Variants in IQGAP1 observed in about 807,000 individuals in gnomAD.
The protein encoded by IQGAP1 is IQ motif containing GTPase activating protein 1.
IQGAP1 carries 66 observed loss-of-function variants against 215.6 expected under a neutral mutation model. The ratio of observed to expected loss-of-function variants is 0.31; its 90% CI spans 0.25 to 0.38. The LOEUF is 0.38. Ranked by LOEUF, IQGAP1 falls within the 10% of genes least tolerant of loss-of-function variation. The pLI, the probability that IQGAP1 is intolerant of heterozygous loss-of-function variation, is 1.00. For missense variants in IQGAP1, 1,712 were observed against 1,997.1 expected, an observed-to-expected ratio of 0.86 and a Z score of 2.72; for synonymous variants, 772 against 728.7, an observed-to-expected ratio of 1.06 and a Z score of -0.96.
intron 14 of IQGAP1, 33 bp from the exon 15 acceptor site, chr15:90,456,119 G>GA (rs753654040): frequency 0.024 from 30,566 of 1,254,434 alleles, no homozygotes; most frequent in South Asian, 0.028. Context: ...TCCTTAATTA[G>GA]AAAAAAAAAA....
chr15:90,487,694 G>A (rs182333646), intron 33 of IQGAP1, 112 bp downstream of exon 33: 7 of 714,536 alleles, frequency 9.8e-6, no homozygotes, highest in East Asian at 8.1e-5. Context: ...CTAGGGGTGA[G>A]CATGAATGTA....
Position 90,477,041 on chromosome 15 carries a change from T to C in IQGAP1, c.2941-26T>C, listed in dbSNP as rs193247203. The C allele has an allele frequency of 2.3e-5, 37 of 1,609,244 alleles. No homozygotes were observed. In the East Asian group the frequency reaches 8.2e-4, roughly 36 times the overall value. On this transcript the variant is annotated intron_variant, in intron 24 of 37. Transcript: ENST00000268182. Reference sequence around the variant, plus strand: ...TGCCAGCCTTTATATTACCTACAAATGACTTATCCCTTGGTTTTATTTCAG... The same window carrying C: ...TGCCAGCCTTTATATTACCTACAAACGACTTATCCCTTGGTTTTATTTCAG...
At chr15:90,464,713 G>T (rs1019018840) in intron 15 of IQGAP1, among the ~76,000 whole-genome samples, 1 of 151,960 alleles carries the variant, frequency 6.6e-6, no homozygotes, top group Non-Finnish European at 1.5e-5. Context: ...TTAGCTGGGC[G>T]TGGTGGCGGG....
intron 33 of IQGAP1, 91 bp downstream of exon 33, chr15:90,487,673 C>T (rs1966146059): frequency 2.4e-6 from 2 of 842,274 alleles, no homozygotes; most frequent in Non-Finnish European, 3.9e-6. Context: ...ACACAAATAA[C>T]AGTTGGTAGC....
At chr15:90,388,712 C>T (rs893174712) in intron 1 of IQGAP1, among the ~76,000 whole-genome samples, 1 of 152,166 alleles carries the variant, frequency 6.6e-6, no homozygotes, top group Non-Finnish European at 1.5e-5. Flanking sequence ...AGTGAGGTGG[C>T]AGGATGACCG....
intron 36 of IQGAP1, among the ~76,000 whole-genome samples, chr15:90,495,987 A>G (rs955954637): frequency 6.6e-6 from 1 of 150,848 alleles, no homozygotes; most frequent in Admixed American, 6.6e-5. Flanking sequence ...CTACTGTTCA[A>G]GTGCCTACCT....
chr15:90,403,700 G>A (rs1964836470), intron 2 of IQGAP1, among the ~76,000 whole-genome samples: 2 of 152,220 alleles, frequency 1.3e-5, no homozygotes, highest in South Asian at 4.1e-4. Context: ...TTGAGATGGA[G>A]TCTTGCTCTG....
At chr15:90,432,910 C>G (rs988298712) in intron 4 of IQGAP1, among the ~76,000 whole-genome samples, 10 of 152,300 alleles carry the variant, frequency 6.6e-5, no homozygotes, top group African/African-American at 2.4e-4. Context: ...AAGTTCAAGG[C>G]TATTCCCAGT....
chr15:90,390,301 C>G (rs1188880328), intron 1 of IQGAP1, among the ~76,000 whole-genome samples: 2 of 152,214 alleles, frequency 1.3e-5, no homozygotes, highest in African/African-American at 2.4e-5. Flanking sequence ...TTCACCCAGC[C>G]TCAGTTTCTT....
intron 36 of IQGAP1, 174 bp from the exon 37 acceptor site, chr15:90,497,058 A>G (rs1025507362): frequency 1.9e-6 from 1 of 524,642 alleles, no homozygotes; most frequent in Non-Finnish European, 3.4e-6. Flanking sequence ...CCCAGAGCAG[A>G]TGGTACTTGG....
Position 90,477,748 on chromosome 15 carries a change from G to A in IQGAP1, c.3188G>A (p.Arg1063His), listed in dbSNP as rs559729068. Residue 1063 changes from arginine (R) to histidine (H), a missense_variant, in exon 26 of 38, where the codon CGT becomes CAT. By Grantham distance (29) the Arg-to-His change is conservative (BLOSUM62 0). Coordinates refer to ENST00000268182, the MANE Select transcript of IQGAP1 (RefSeq NM_003870.4). ...GTTGTAAGTTTCAACCGTGGTGCCC[G>A]TGGCCAGAATGCCCTGAGACAGATC... Reference protein sequence around the residue: ...KMVVSFNRGARGQNALRQILA... With the variant: ...KMVVSFNRGAHGQNALRQILA... 5.6e-6 allele frequency: 9 copies of A among 1,613,736 alleles called. No individual in the cohort carries two copies. The highest frequency in any genetic ancestry group is 1.1e-5 in the South Asian group (1 of 91,068).
At chr15:90,425,208 G>A (rs1320547007) in intron 2 of IQGAP1, among the ~76,000 whole-genome samples, 1 of 152,094 alleles carries the variant, frequency 6.6e-6, no homozygotes, top group African/African-American at 2.4e-5. Context: ...TACTCAGGAA[G>A]CTGAGGCAGG....
At chr15:90,475,189 G>T (rs959071510) in intron 23 of IQGAP1, among the ~76,000 whole-genome samples, 2 of 152,128 alleles carry the variant, frequency 1.3e-5, no homozygotes, top group South Asian at 4.2e-4. Context: ...ACTGGAGATG[G>T]CGTTTCGCCA....
chr15:90,410,605 A>T (rs1421256446), intron 2 of IQGAP1, among the ~76,000 whole-genome samples: 1 of 147,588 alleles, frequency 6.8e-6, no homozygotes, highest in Non-Finnish European at 1.5e-5. Context: ...CAAACACCGC[A>T]TGTTCTCACT....
rs777593515 is a variant in IQGAP1, at chr15:90,487,060, A to G, written c.4131A>G (p.Ala1377=). Residue 1377 remains alanine, a synonymous_variant, in exon 32 of 38, where the codon GCA becomes GCG. Coordinates refer to ENST00000268182, the MANE Select transcript of IQGAP1 (RefSeq NM_003870.4). ...NKFDVPGDEN[A]EMDARTILLN... is the part of the protein sequence containing the mutation. Reference sequence around the variant, plus strand: ...TCGACGTGCCTGGAGATGAGAATGCAGAAATGGATGCTCGAACCATCTTAC... The same window carrying G: ...TCGACGTGCCTGGAGATGAGAATGCGGAAATGGATGCTCGAACCATCTTAC... 6.2e-7 allele frequency: 1 copy of G among 1,614,190 alleles called. No individual in the cohort carries two copies. The highest frequency in any genetic ancestry group is 1.1e-5 in the South Asian group (1 of 91,084).
At chr15:90,498,352 C>A (rs1420235961) in intron 37 of IQGAP1, among the ~76,000 whole-genome samples, 2 of 46,210 alleles carry the variant, frequency 4.3e-5, no homozygotes, top group African/African-American at 1.2e-4. Context: ...TAAAGTACTT[C>A]CACCAAAAAA....
chr15:90,492,958 T>C (rs958964778), intron 35 of IQGAP1, among the ~76,000 whole-genome samples: 1 of 152,048 alleles, frequency 6.6e-6, no homozygotes, highest in African/African-American at 2.4e-5. Context: ...AATATCTTCT[T>C]GGGGCCTGTC....
chr15:90,424,768 G>A (rs562191982), intron 2 of IQGAP1, among the ~76,000 whole-genome samples: 1 of 151,930 alleles, frequency 6.6e-6, no homozygotes, highest in Non-Finnish European at 1.5e-5. Context: ...GAACCCAGGA[G>A]GCAGAGGTTG....
intron 2 of IQGAP1, among the ~76,000 whole-genome samples, chr15:90,418,528 A>G (rs1965085989): frequency 1.3e-5 from 2 of 152,132 alleles, no homozygotes; most frequent in African/African-American, 4.8e-5. Flanking sequence ...TTGAGGCCAC[A>G]GTGAGCCGTG....
Sources: allele counts gnomAD v4.1 joint callset (sites outside exome capture counted in the v4.1 genomes callset), GRCh38; gene constraint gnomAD v4.1.1; transcripts MANE v1.5; gene names NCBI Gene and HGNC (gene_info 2026-07-23, HGNC 2026-07-21).